The following ALDH2 variants were observed in gnomAD, a reference collection of about 807,000 sequenced individuals.
The protein encoded by ALDH2 is aldehyde dehydrogenase, mitochondrial.
In ALDH2, 44 loss-of-function variants were observed where a neutral mutation model predicts 59.6. The observed-to-expected ratio is 0.74, with a 90% CI of 0.58 to 0.95. The LOEUF is 0.95. Ranked by LOEUF, ALDH2 falls within the 40% of genes least tolerant of loss-of-function variation. ALDH2 has a pLI of 0.00. For missense variants in ALDH2, 570 were observed against 696.3 expected (o/e 0.82, Z 2.04); for synonymous variants, 291 against 284.0 (o/e 1.02, Z -0.25).
intron 12 of ALDH2, among the ~76,000 whole-genome samples, chr12:111,805,187 G>T (rs1180162630): frequency 6.6e-6 from 1 of 152,072 alleles, no homozygotes; most frequent in Non-Finnish European, 1.5e-5. Context: ...TATGTACATA[G>T]ATAGATACTC....
chr12:111,809,618 A>G lies in ALDH2; in HGVS notation c.*43A>G, dbSNP rs369765587. The G allele has an allele frequency of 5.7e-4, 911 of 1,607,268 alleles. 2 individuals carry two copies. The highest frequency in any genetic ancestry group is 2.1e-3 in the Admixed American group (128 of 59,824). On this transcript the variant is annotated 3_prime_UTR_variant, in exon 13 of 13. Transcript: ENST00000261733. ...TCCCTCAGCCATTGATGGAAAGTTCAGCAAGATCAGCAACAAAACCAAGAA... is the reference window on the plus strand; with the variant it reads ...TCCCTCAGCCATTGATGGAAAGTTCGGCAAGATCAGCAACAAAACCAAGAA...
At chr12:111,775,330 C>A (rs952223353) in intron 1 of ALDH2, among the ~76,000 whole-genome samples, 5 of 152,134 alleles carry the variant, frequency 3.3e-5, no homozygotes, top group Non-Finnish European at 7.3e-5. Context: ...CTAGCAGTCA[C>A]CCTTCAGACC....
chr12:111,785,233 A>G, intron 3 of ALDH2, 34 bp from the exon 4 acceptor site: 1 of 1,555,332 alleles, frequency 6.4e-7, no homozygotes, highest in East Asian at 2.2e-5. Context: ...TCATTCCTGC[A>G]CCCATGTCTC....
In ALDH2 at chr12:111,790,466, G is replaced by A; in HGVS notation, c.585G>A (p.Lys195=). 1 of 1,614,182 alleles carries A rather than the reference G, an allele frequency of 6.2e-7. No individual in the cohort carries two copies. Among genetic ancestry groups the A allele is most frequent in the African/African-American group, 1.3e-5 (1 of 75,042 alleles). ...TCCCGCTCCTGATGCAAGCATGGAA[G>A]CTGGGCCCAGCCTTGGCAACTGGAA... ...WNFPLLMQAW[K]LGPALATGNV... Residue 195 remains lysine (K), a synonymous_variant, in exon 6 of 13, where the codon AAG becomes AAA. Coordinates refer to ENST00000261733, the MANE Select transcript of ALDH2 (RefSeq NM_000690.4).
At chr12:111,772,756 C>A (rs961792549) in intron 1 of ALDH2, among the ~76,000 whole-genome samples, 2 of 151,054 alleles carry the variant, frequency 1.3e-5, no homozygotes, top group Admixed American at 1.3e-4. Context: ...TCACTGCAAC[C>A]TCAAACTCTT....
chr12:111,785,417 A>C, intron 4 of ALDH2, 71 bp downstream of exon 4: 1 of 1,397,568 alleles, frequency 7.2e-7, no homozygotes, highest in Admixed American at 1.7e-5. Context: ...AGGAGGTAAA[A>C]ATTAAATTAC....
At chr12:111,790,034 G>A in intron 5 of ALDH2, 100 bp downstream of exon 5, 3 of 1,118,016 alleles carry the variant, frequency 2.7e-6, no homozygotes, top group Non-Finnish European at 2.6e-6. Context: ...AAGGCAGCCT[G>A]GGTGGCAGGT....
rs2068529838 is a variant in ALDH2, at chr12:111,810,708, A to G, written c.*1133A>G. 1 of 151,956 alleles carries G rather than the reference A, an allele frequency of 6.6e-6. No homozygotes were observed. The highest frequency in any genetic ancestry group is 2.4e-5 in the African/African-American group (1 of 41,290). 9.4% of individuals were successfully genotyped at this position (151,956 alleles called of 1,614,324 possible). A position where few individuals can be genotyped will look rare whatever the true frequency, so the allele number is the denominator to read the frequency against. Reference sequence around the variant, plus strand: ...CTGCTGCCTCGACCTCCTGGGCTCAAATGATCCTCCTGCTTCAGCTTCCTG... The same window carrying G: ...CTGCTGCCTCGACCTCCTGGGCTCAGATGATCCTCCTGCTTCAGCTTCCTG... On this transcript the variant is annotated 3_prime_UTR_variant, in exon 13 of 13. Transcript: ENST00000261733.
In ALDH2 at chr12:111,816,732, A is replaced by G. The variant is rs938464121; in HGVS notation, c.*7157A>G. On this transcript the variant is annotated 3_prime_UTR_variant, in exon 13 of 13. Transcript: ENST00000261733. Reference sequence around the variant, plus strand: ...GAGACAAAACAACATTATTCCAAGGACTACATATAAGATGTTAATGTGGTG... The same window carrying G: ...GAGACAAAACAACATTATTCCAAGGGCTACATATAAGATGTTAATGTGGTG... 1 of 152,224 alleles carries G rather than the reference A, an allele frequency of 6.6e-6. No homozygotes were observed. The highest frequency in any genetic ancestry group is 1.5e-5 in the Non-Finnish European group (1 of 68,036). 9.4% of individuals were successfully genotyped at this position (152,224 alleles called of 1,614,324 possible). A position where few individuals can be genotyped will look rare whatever the true frequency, so the allele number is the denominator to read the frequency against.
At chr12:111,787,846 A>G (rs2068322578) in intron 4 of ALDH2, among the ~76,000 whole-genome samples, 1 of 152,022 alleles carries the variant, frequency 6.6e-6, no homozygotes, top group East Asian at 1.9e-4. Flanking sequence ...CCTGGCTAAC[A>G]CGGTGAAACC....
intron 12 of ALDH2, among the ~76,000 whole-genome samples, chr12:111,805,106 A>T (rs573971810): frequency 4.6e-5 from 7 of 152,348 alleles, no homozygotes; most frequent in Non-Finnish European, 1.0e-4. Context: ...GATATGAAAA[A>T]TGCTTAGCCT....
chr12:111,803,775 A>T, intron 11 of ALDH2, 84 bp from the exon 12 acceptor site: 2 of 874,484 alleles, frequency 2.3e-6, no homozygotes, highest in Non-Finnish European at 3.1e-6. Flanking sequence ...AATAAAATAA[A>T]GACTTTGGGG....
intron 10 of ALDH2, 182 bp from the exon 11 acceptor site, chr12:111,799,724 C>A: frequency 1.6e-6 from 1 of 628,076 alleles, no homozygotes; most frequent in Non-Finnish European, 2.5e-6. Context: ...GGAAGTTGGC[C>A]CCTGTTAGCT....
rs1593078634 is a variant in ALDH2 at position 111,790,310 on chromosome 12, G to A, written c.553-124G>A. 13 of 1,241,100 alleles carry A rather than the reference G, an allele frequency of 1.0e-5. No homozygotes were observed. In the East Asian group the frequency reaches 3.0e-4, roughly 29 times the overall value. 76.9% of individuals were successfully genotyped at this position (1,241,100 alleles called of 1,614,324 possible). A position where few individuals can be genotyped will look rare whatever the true frequency, so the allele number is the denominator to read the frequency against. ...TTAAAACCACGATGGATGGAGTTAG[G>A]GGAGGACACGCAGGGTTCAGAGAAC... On this transcript the variant is annotated intron_variant, in intron 5 of 12. Coordinates refer to ENST00000261733, the MANE Select transcript of ALDH2 (RefSeq NM_000690.4).
At chr12:111,806,025 A>AC (rs2068491052) in intron 12 of ALDH2, among the ~76,000 whole-genome samples, 2 of 148,926 alleles carry the variant, frequency 1.3e-5, no homozygotes, top group East Asian at 4.1e-4. Context: ...CAAAAAAAAA[A>AC]AAAACAGGCC....
intron 1 of ALDH2, among the ~76,000 whole-genome samples, chr12:111,767,727 T>C (rs956555591): frequency 1.3e-5 from 2 of 152,234 alleles, no homozygotes; most frequent in African/African-American, 4.8e-5. Context: ...AGGATAAAAC[T>C]GATTCCTGTG....
At chr12:111,792,803 G>A in intron 9 of ALDH2, 21 bp downstream of exon 9, 2 of 1,539,902 alleles carry the variant, frequency 1.3e-6, no homozygotes, top group Non-Finnish European at 1.7e-6. Flanking sequence ...CAGTGCCGCA[G>A]GGTCTGGGTG....
At chr12:111,780,352 G>A (rs1035206178) in intron 1 of ALDH2, among the ~76,000 whole-genome samples, 11 of 152,228 alleles carry the variant, frequency 7.2e-5, no homozygotes, top group Admixed American at 2.0e-4. Flanking sequence ...TTCTAGAGGC[G>A]GAACCGTCTT....
chr12:111,798,387 T>C (rs573445090), intron 10 of ALDH2, 145 bp downstream of exon 10: 11 of 799,022 alleles, frequency 1.4e-5, no homozygotes, highest in African/African-American at 1.8e-5. Flanking sequence ...CATAACACGC[T>C]ATTCATAGTA....
Sources: allele counts gnomAD v4.1 joint callset (sites outside exome capture counted in the v4.1 genomes callset), GRCh38; gene constraint gnomAD v4.1.1; transcripts MANE v1.5; gene names NCBI Gene and HGNC (gene_info 2026-07-23, HGNC 2026-07-21).